Variants in CLEC16A observed in about 807,000 individuals in gnomAD.
CLEC16A encodes the protein C-type lectin domain containing 16A, also known as protein CLEC16A.
CLEC16A carries 51 observed loss-of-function variants against 109.5 expected under a neutral mutation model. The observed-to-expected ratio is 0.47, with a 90% confidence interval of 0.37 to 0.59. The LOEUF (loss-of-function observed/expected upper bound fraction) is 0.59, where lower values mean the gene tolerates loss of function less well. CLEC16A is among the 20% of genes least tolerant of loss of function. The pLI is 0.00. For missense variants in CLEC16A, 1,339 were observed against 1,394.0 expected, an observed-to-expected ratio of 0.96 and a Z score of 0.63; for synonymous variants, 673 against 564.2, an observed-to-expected ratio of 1.19 and a Z score of -2.73.
chr16:11,089,612 ATC>A (rs111391596), intron 19 of CLEC16A, among the ~76,000 whole-genome samples: 4,115 of 152,244 alleles, frequency 0.027, 187 homozygotes, highest in African/African-American at 0.094. Flanking sequence ...GGTCTTTGTC[ATC>A]TGTGCCAGCA....
At chr16:11,033,477 G>T (rs1306160539) in intron 13 of CLEC16A, among the ~76,000 whole-genome samples, 1 of 152,158 alleles carries the variant, frequency 6.6e-6, no homozygotes, top group Non-Finnish European at 1.5e-5. Flanking sequence ...CCTCGTGGGG[G>T]AGCTGCCACC....
intron 17 of CLEC16A, among the ~76,000 whole-genome samples, chr16:11,050,313 A>G (rs2047871647): frequency 1.3e-5 from 2 of 152,232 alleles, no homozygotes; most frequent in South Asian, 4.1e-4. Context: ...TTAAGTTTCC[A>G]ACACATGAAC....
At chr16:11,078,819 C>T (rs919335086) in intron 19 of CLEC16A, among the ~76,000 whole-genome samples, 4 of 152,134 alleles carry the variant, frequency 2.6e-5, no homozygotes, top group African/African-American at 9.7e-5. Context: ...CCATCTGCCC[C>T]TAAGGTTCCC....
At chr16:11,055,575 C>CTCTTTT (rs2048169533) in intron 18 of CLEC16A, among the ~76,000 whole-genome samples, 1 of 41,754 alleles carries the variant, frequency 2.4e-5, no homozygotes, top group Non-Finnish European at 4.2e-5. Flanking sequence ...TTCCCTCTTG[C>CTCTTTT]TTTTTTTTTT....
intron 19 of CLEC16A, among the ~76,000 whole-genome samples, chr16:11,116,262 G>T (rs1265163079): frequency 2.0e-5 from 3 of 152,024 alleles, no homozygotes; most frequent in Non-Finnish European, 2.9e-5. Context: ...AGGCGTGGTG[G>T]TGTTTGCCTA....
chr16:10,956,685 C>T (rs1287367830), intron 1 of CLEC16A, among the ~76,000 whole-genome samples: 1 of 152,236 alleles, frequency 6.6e-6, no homozygotes, highest in Non-Finnish European at 1.5e-5. Flanking sequence ...TCTCCCCCAC[C>T]AGCAAAGAGG....
At chr16:11,057,413 C>T (rs1178633762) in intron 18 of CLEC16A, among the ~76,000 whole-genome samples, 1 of 152,240 alleles carries the variant, frequency 6.6e-6, no homozygotes, top group Non-Finnish European at 1.5e-5. Context: ...AGAACACAAG[C>T]CTGGGCTTGG....
At chr16:11,020,621 A>C (rs547713566) in intron 12 of CLEC16A, among the ~76,000 whole-genome samples, 12 of 152,244 alleles carry the variant, frequency 7.9e-5, no homozygotes, top group Non-Finnish European at 1.5e-4. Context: ...GGGTTGCTTC[A>C]CATTGGCTGC....
chr16:11,137,507 G>T (rs540471115), intron 22 of CLEC16A, among the ~76,000 whole-genome samples: 1 of 147,768 alleles, frequency 6.8e-6, no homozygotes, highest in Admixed American at 6.9e-5. Context: ...TTTAATCCCA[G>T]CACTTTGGGA....
intron 19 of CLEC16A, among the ~76,000 whole-genome samples, chr16:11,093,621 A>G (rs1195962081): frequency 6.6e-6 from 1 of 152,160 alleles, no homozygotes; most frequent in Non-Finnish European, 1.5e-5. Flanking sequence ...ATTTTTGAAG[A>G]AGTAAATATC....
chr16:10,983,060 T>C, intron 10 of CLEC16A, 69 bp downstream of exon 10: 1 of 879,678 alleles, frequency 1.1e-6, no homozygotes, highest in Non-Finnish European at 1.9e-6. Context: ...TGTGTGTTTC[T>C]CTAAAATCAG....
At chr16:10,958,462 T>C (rs2042096150) in intron 2 of CLEC16A, among the ~76,000 whole-genome samples, 1 of 152,164 alleles carries the variant, frequency 6.6e-6, no homozygotes, top group Non-Finnish European at 1.5e-5. Context: ...ACTTCCTAGG[T>C]GAGCAGTCCT....
intron 1 of CLEC16A, among the ~76,000 whole-genome samples, chr16:10,948,459 A>G (rs2041546257): frequency 6.6e-6 from 1 of 152,206 alleles, no homozygotes; most frequent in Non-Finnish European, 1.5e-5. Context: ...TGGGTGGTTT[A>G]TTGTCCAGAT....
intron 1 of CLEC16A, among the ~76,000 whole-genome samples, chr16:10,945,137 G>C (rs2041286080): frequency 6.6e-6 from 1 of 152,222 alleles, no homozygotes; most frequent in Non-Finnish European, 1.5e-5. Flanking sequence ...AAACTGAACA[G>C]CTTAGAGGGT....
At chr16:11,162,071 G>T (rs148465975) in intron 22 of CLEC16A, among the ~76,000 whole-genome samples, 68 of 152,368 alleles carry the variant, frequency 4.5e-4, no homozygotes, top group African/African-American at 1.5e-3. Context: ...CCTTCTGTCA[G>T]TGGGCCTAAA....
chr16:11,178,341 C>G lies in CLEC16A; in HGVS notation c.2813C>G (p.Pro938Arg), dbSNP rs777852948. The G allele has an allele frequency of 6.2e-7, 1 of 1,604,760 alleles. No individual in the cohort carries two copies. The highest frequency in any genetic ancestry group is 1.1e-5 in the South Asian group (1 of 90,686). The change falls in exon 24 of 24, where the codon CCC (proline) becomes CGC (arginine). Residue 938 changes from proline to arginine, a missense_variant. Physicochemically the swap from Pro to Arg is moderately radical, Grantham distance 103. Coordinates refer to ENST00000409790, the MANE Select transcript of CLEC16A (RefSeq NM_015226.3). The surrounding 1 kb of genome is among the most constrained non-coding windows in gnomAD (Gnocchi z 6.5). ...TTTTTCTCCCCCAATCCAGATGCCC[C>G]CATGAGTCCAGAACTGCCTAAGCCT... ...PSTAQSPADA[P>R]MSPELPKPHL...
chr16:10,993,161 G>A (rs561142897), intron 10 of CLEC16A, among the ~76,000 whole-genome samples: 2 of 152,268 alleles, frequency 1.3e-5, no homozygotes, highest in Admixed American at 1.3e-4. Context: ...GGAGGCCGGT[G>A]TGGGCAGATC....
intron 11 of CLEC16A, among the ~76,000 whole-genome samples, chr16:11,010,613 A>G (rs1048883691): frequency 6.6e-6 from 1 of 152,184 alleles, no homozygotes; most frequent in Non-Finnish European, 1.5e-5. Flanking sequence ...CTGAAGCATC[A>G]TGAGCATTTG....
At chr16:11,103,884 C>G (rs1046463788) in intron 19 of CLEC16A, among the ~76,000 whole-genome samples, 1 of 152,186 alleles carries the variant, frequency 6.6e-6, no homozygotes, top group Non-Finnish European at 1.5e-5. Flanking sequence ...TTTTCTTCCC[C>G]ACAACTGGCC....
Sources: gnomAD v4.1 joint callset for allele counts (sites outside exome capture counted in the v4.1 genomes callset) on GRCh38, gnomAD v4.1.1 for gene constraint, Gnocchi (gnomAD v3.1) non-coding constraint, MANE v1.5 for transcripts, NCBI Gene and HGNC (gene_info 2026-07-23, HGNC 2026-07-21) for gene names.